The following GLIS3 variants were observed in gnomAD, a reference collection of about 807,000 sequenced individuals.
The protein encoded by GLIS3 is zinc finger protein GLIS3.
GLIS3 carries 53 observed loss-of-function variants against 78.6 expected under a neutral mutation model. The ratio of observed to expected loss-of-function variants is 0.67; its 90% CI spans 0.54 to 0.85. The LOEUF is 0.85. Ranked by LOEUF, GLIS3 falls within the 40% of genes least tolerant of loss-of-function variation. The pLI is 0.00. For missense variants in GLIS3, 1,703 were observed against 1,231.1 expected, an observed-to-expected ratio of 1.38 and a Z score of -5.74; for synonymous variants, 684 against 509.9, an observed-to-expected ratio of 1.34 and a Z score of -4.60.
intron 2 of GLIS3, among the ~76,000 whole-genome samples, chr9:4,150,138 C>T (rs1412057344): frequency 1.3e-5 from 2 of 152,102 alleles, no homozygotes; most frequent in Non-Finnish European, 2.9e-5. Flanking sequence ...AAGCAACCTC[C>T]CATACAGACC....
At chr9:4,207,992 C>T (rs1820033659) in intron 2 of GLIS3, among the ~76,000 whole-genome samples, 1 of 152,186 alleles carries the variant, frequency 6.6e-6, no homozygotes, top group Non-Finnish European at 1.5e-5. Flanking sequence ...CTTTAAACAG[C>T]ACAGTTAGTG....
At chr9:4,024,905 G>A (rs1387627532) in intron 4 of GLIS3, among the ~76,000 whole-genome samples, 1 of 152,128 alleles carries the variant, frequency 6.6e-6, no homozygotes, top group Non-Finnish European at 1.5e-5. Flanking sequence ...AATCATGCCT[G>A]TCGTGTTCAT....
At chr9:3,989,877 CACAA>C (rs928582619) in intron 4 of GLIS3, among the ~76,000 whole-genome samples, 1 of 152,190 alleles carries the variant, frequency 6.6e-6, no homozygotes, top group Non-Finnish European at 1.5e-5. Context: ...CACACACACA[CACAA>C]AGAGTACAAA....
intron 2 of GLIS3, among the ~76,000 whole-genome samples, chr9:4,152,400 T>G (rs1376899601): frequency 1.3e-5 from 2 of 152,352 alleles, no homozygotes; most frequent in Admixed American, 1.3e-4. Flanking sequence ...TAACAAGGTT[T>G]ACATTTTAAT....
intron 2 of GLIS3, among the ~76,000 whole-genome samples, chr9:4,186,801 T>C (rs937864640): frequency 6.6e-6 from 1 of 152,232 alleles, no homozygotes. Context: ...TGTCTTCTTT[T>C]GAGAAGTGTC....
intron 2 of GLIS3, among the ~76,000 whole-genome samples, chr9:4,141,848 T>C (rs1319372031): frequency 6.6e-6 from 1 of 152,210 alleles, no homozygotes; most frequent in East Asian, 1.9e-4. Flanking sequence ...ACACAGGCAA[T>C]CTGGCTGAGG....
chr9:4,129,420 C>G (rs1423308347), intron 2 of GLIS3, among the ~76,000 whole-genome samples: 1 of 152,018 alleles, frequency 6.6e-6, no homozygotes, highest in East Asian at 1.9e-4. Flanking sequence ...GAGGTGGGGC[C>G]CAGTAGAAGG....
At chr9:3,926,023 G>A (rs780809064) in intron 6 of GLIS3, among the ~76,000 whole-genome samples, 19 of 152,156 alleles carry the variant, frequency 1.2e-4, no homozygotes, top group African/African-American at 4.1e-4. Context: ...TCTTAGATGG[G>A]AGCACTAAGC....
rs965010696 is a variant in GLIS3 at position 4,256,011 on chromosome 9, T to C, written c.388+30027A>G. On this transcript the variant is annotated intron_variant, in intron 2 of 10. Transcript: ENST00000381971. Reference sequence around the variant, plus strand: ...CTGTTGCTCAATTTTGCTGTGAACCTAAAACTGTTCTAAAAACTAAGTCTA... The same window carrying C: ...CTGTTGCTCAATTTTGCTGTGAACCCAAAACTGTTCTAAAAACTAAGTCTA... 2.6e-5 allele frequency among the ~76,000 whole-genome samples: 4 copies of C among 152,258 alleles called. No homozygotes were observed. In the South Asian group the frequency reaches 8.3e-4, roughly 32 times the overall value.
chr9:4,475,819 G>C, the GLIS3 span, among the ~76,000 whole-genome samples: 6 of 152,184 alleles, frequency 3.9e-5, no homozygotes, highest in Non-Finnish European at 5.9e-5. Context: ...TAGATAATTA[G>C]TCGCTACCTA....
chr9:4,050,270 G>A (rs560819277), intron 4 of GLIS3, among the ~76,000 whole-genome samples: 11 of 152,330 alleles, frequency 7.2e-5, no homozygotes, highest in Admixed American at 2.6e-4. Flanking sequence ...TGCAGCCACA[G>A]AAAAGGGTGA....
chr9:4,455,315 C>G, the GLIS3 span, among the ~76,000 whole-genome samples: 2 of 152,104 alleles, frequency 1.3e-5, no homozygotes, highest in Non-Finnish European at 2.9e-5. Flanking sequence ...TCACCACACT[C>G]TTTGTAGACA....
chr9:4,353,063 A>G (rs1054774870), upstream of GLIS3, among the ~76,000 whole-genome samples: 2 of 152,118 alleles, frequency 1.3e-5, no homozygotes, highest in Non-Finnish European at 2.9e-5. Flanking sequence ...AGCCTGGGGT[A>G]TGGTGGCCAC....
At chr9:4,154,039 C>A (rs548653010) in intron 2 of GLIS3, among the ~76,000 whole-genome samples, 1 of 152,198 alleles carries the variant, frequency 6.6e-6, no homozygotes, top group African/African-American at 2.4e-5. Flanking sequence ...CTAGGAGCTA[C>A]GCTGAGGCTG....
At chr9:3,865,752 A>G (rs1820533364) in intron 8 of GLIS3, among the ~76,000 whole-genome samples, 1 of 152,224 alleles carries the variant, frequency 6.6e-6, no homozygotes, top group African/African-American at 2.4e-5. Context: ...GAATATGGAA[A>G]CAAAATAAAG....
At position 4,081,794 on chromosome 9, in the gene GLIS3, T is replaced by C. The variant is rs1304133651; in HGVS notation, c.1710+35974A>G. Among the ~76,000 whole-genome samples, 4 of 152,314 alleles carry C rather than the reference T, an allele frequency of 2.6e-5. No homozygotes were observed. In the East Asian group the frequency reaches 7.7e-4, roughly 29 times the overall value. On this transcript the variant is annotated intron_variant, in intron 4 of 10. Coordinates refer to ENST00000381971, the MANE Select transcript of GLIS3 (RefSeq NM_001042413.2). ...CAATTCTATCATAAATTAGCCACCATAATTTCCCTCCAGAAGCCATTATAT... is the reference window on the plus strand; with the variant it reads ...CAATTCTATCATAAATTAGCCACCACAATTTCCCTCCAGAAGCCATTATAT...
intron 5 of GLIS3, among the ~76,000 whole-genome samples, chr9:3,936,226 A>C (rs1169344011): frequency 6.6e-6 from 1 of 152,166 alleles, no homozygotes; most frequent in East Asian, 1.9e-4. Flanking sequence ...GCGCAGTGAA[A>C]TTACATAGAG....
At chr9:3,868,949 C>T (rs1435257567) in intron 8 of GLIS3, among the ~76,000 whole-genome samples, 1 of 152,156 alleles carries the variant, frequency 6.6e-6, no homozygotes, top group African/African-American at 2.4e-5. Flanking sequence ...GTTATGTGCT[C>T]TTTCTGTATG....
intron 4 of GLIS3, among the ~76,000 whole-genome samples, chr9:4,040,882 T>C (rs1824753852): frequency 3.9e-5 from 6 of 152,226 alleles, no homozygotes; most frequent in Admixed American, 3.3e-4. Context: ...GGTGGTCTCC[T>C]GGTCCAGCAG....
Sources: gnomAD v4.1 joint callset for allele counts (sites outside exome capture counted in the v4.1 genomes callset) on GRCh38, gnomAD v4.1.1 for gene constraint, MANE v1.5 for transcripts, NCBI Gene and HGNC (gene_info 2026-07-23, HGNC 2026-07-21) for gene names.